KIAA0408: variants seen among roughly 807,000 people sequenced by gnomAD.
The protein encoded by KIAA0408 is uncharacterized protein KIAA0408.
KIAA0408 carries 51 observed loss-of-function variants against 60.9 expected under a neutral mutation model. The ratio of observed to expected loss-of-function variants is 0.84; its 90% CI spans 0.67 to 1.06. The LOEUF is 1.06. KIAA0408 is among the 50% of genes least tolerant of loss of function. The pLI, the probability that KIAA0408 is intolerant of heterozygous loss-of-function variation, is 0.00. For synonymous variants in KIAA0408, 304 were observed against 282.4 expected, an observed-to-expected ratio of 1.08 and a Z score of -0.77; for missense variants, 787 against 833.9, an observed-to-expected ratio of 0.94 and a Z score of 0.69.
chr6:127,450,346 G>A lies in KIAA0408; in HGVS notation c.142C>T (p.Arg48Trp), dbSNP rs770313152. ...IMQKKIEELC[R>W]EVKLWRKINI... ...ATTTTCCTCCAAAGCTTTACTTCCC[G>A]GCAAAGCTGTAAGAAAAACAAAACA... Residue 48 changes from arginine (R) to tryptophan (W), a missense_variant, in exon 3 of 6, where the codon CGG (arginine) becomes TGG (tryptophan). Coordinates refer to ENST00000483725, the MANE Select transcript of KIAA0408 (RefSeq NM_014702.5). 30 of 1,583,182 alleles carry A rather than the reference G, an allele frequency of 1.9e-5. No individual in the cohort carries two copies. The Middle Eastern group carries it at 6.9e-4, about 36-fold the overall frequency.
At chr6:127,451,522 T>A (rs966604274) in intron 2 of KIAA0408, among the ~76,000 whole-genome samples, 1 of 152,124 alleles carries the variant, frequency 6.6e-6, no homozygotes, top group East Asian at 1.9e-4. Flanking sequence ...ACATGTTAAA[T>A]CTAAGGATGC....
chr6:127,447,109 C>G lies in KIAA0408; in HGVS notation c.1210G>C (p.Asp404His). 1 of 1,613,890 alleles carries G rather than the reference C, an allele frequency of 6.2e-7. No homozygotes were observed. Among genetic ancestry groups the G allele is most frequent in the Non-Finnish European group, 8.5e-7 (1 of 1,179,974 alleles). Residue 404 changes from aspartate (D) to histidine (H), a missense_variant, in exon 5 of 6, where the codon GAT becomes CAT. Coordinates refer to ENST00000483725, the MANE Select transcript of KIAA0408 (RefSeq NM_014702.5). ...IPDHPAKSHP[D>H]LHVSNDCSSS... ...CTACAGTCATTACTTACATGAAGAT[C>G]AGGATGAGATTTAGCAGGGTGATCT...
At chr6:127,452,069 C>G (rs1306362915) in intron 2 of KIAA0408, among the ~76,000 whole-genome samples, 2 of 152,136 alleles carry the variant, frequency 1.3e-5, no homozygotes, top group Non-Finnish European at 2.9e-5. Flanking sequence ...ATAGCAAATG[C>G]AATGACTGTG....
At position 127,444,125 on chromosome 6, in the gene KIAA0408, T is replaced by C; in HGVS notation, c.2069A>G (p.Glu690Gly). The C allele has an allele frequency of 6.2e-7, 1 of 1,613,962 alleles. No individual in the cohort carries two copies. The highest frequency in any genetic ancestry group is 8.5e-7 in the Non-Finnish European group (1 of 1,179,936). The change falls in exon 6 of 6, where the codon GAA becomes GGA. Residue 690 changes from glutamate (E) to glycine (G), a missense_variant. This residue lies in a region of KIAA0408 where 133 missense variants were observed against 119.2 expected (regional missense o/e 1.12). Transcript: ENST00000483725. ...GCCAAAGACTTAAACCATCAATGCT[T>C]CGGATCGCAGAGAAATGGTATAGTT... ...THNYTISLRS[E>G]ALMV is the part of the protein sequence containing the mutation.
chr6:127,438,703 C>T lies in KIAA0408; in HGVS notation c.*5406G>A. ...AAAGGCAATTGTAACACAATGATATCTGTATATGTAAACATAGAAAAAGTA... is the reference window on the plus strand; with the variant it reads ...AAAGGCAATTGTAACACAATGATATTTGTATATGTAAACATAGAAAAAGTA... On this transcript the variant is annotated 3_prime_UTR_variant, in exon 6 of 6. Transcript: ENST00000483725. 1 of 152,098 alleles carries T rather than the reference C, an allele frequency of 6.6e-6. No homozygotes were observed. Among genetic ancestry groups the T allele is most frequent in the Non-Finnish European group, 1.5e-5 (1 of 68,014 alleles). The allele number at this position is 152,098 out of a possible 1,614,324, so 9.4% of individuals were successfully genotyped here.
intron 1 of KIAA0408, among the ~76,000 whole-genome samples, chr6:127,456,165 T>C (rs1161339624): frequency 3.3e-5 from 5 of 152,154 alleles, no homozygotes; most frequent in Non-Finnish European, 1.5e-5. Flanking sequence ...AAGAGATAAA[T>C]GCAGATTTAA....
chr6:127,448,451 A>T lies in KIAA0408; in HGVS notation c.579-711T>A, dbSNP rs538679047. ...TTATGTCAAATTGTAATGTCTTTGA[A>T]TTACAAATATCTTGAACCTTGTTCT... On this transcript the variant is annotated intron_variant, in intron 4 of 5. Transcript: ENST00000483725. 2.1e-3 allele frequency among the ~76,000 whole-genome samples: 322 copies of T among 152,308 alleles called. 2 individuals are homozygous for T. Among genetic ancestry groups the T allele is most frequent in the African/African-American group, 7.0e-3 (290 of 41,586 alleles).
chr6:127,442,777 A>C lies in KIAA0408; in HGVS notation c.*1332T>G, dbSNP rs942325286. The stretch of plus-strand genomic sequence containing the variant: ...TAAAAGAAAAGCTTAAATAGAGTTA[A>C]TATCTAATAACATAACATAATTGGT... On this transcript the variant is annotated 3_prime_UTR_variant, in exon 6 of 6. Transcript: ENST00000483725. 3 of 152,238 alleles carry C rather than the reference A, an allele frequency of 2.0e-5. No individual in the cohort carries two copies. Among genetic ancestry groups the C allele is most frequent in the Non-Finnish European group, 2.9e-5 (2 of 68,026 alleles). 9.4% of individuals were successfully genotyped at this position (152,238 alleles called of 1,614,324 possible).
At chr6:127,451,388 G>C (rs1474782711) in intron 2 of KIAA0408, 1 of 443,058 alleles carries the variant, frequency 2.3e-6, no homozygotes, top group Non-Finnish European at 4.5e-6. Context: ...ATGAAGTCAG[G>C]ATAGCATCAA....
rs139745911 is a variant in KIAA0408, at chr6:127,446,809, G to A, written c.1510C>T (p.Pro504Ser). The change falls in exon 5 of 6, where the codon CCC becomes TCC. Residue 504 changes from proline (P) to serine (S), a missense_variant. By Grantham distance (74) the Pro-to-Ser change is moderately conservative. Around this residue, in one of 3 missense-constraint regions of KIAA0408, gnomAD observed 640 missense variants for 681.3 expected, o/e 0.94. Transcript: ENST00000483725. Reference sequence around the variant, plus strand: ...GGATTATCAGGCACATTTTCCATGGGCACAGGCATGTGGGCATTGGTTTTC... The same window carrying A: ...GGATTATCAGGCACATTTTCCATGGACACAGGCATGTGGGCATTGGTTTTC... ...IWKTNAHMPV[P>S]MENVPDNPTK... 8.3e-3 allele frequency: 13,323 copies of A among 1,613,986 alleles called. 81 individuals are homozygous for A. The highest frequency in any genetic ancestry group is 0.01 in the Non-Finnish European group (12,171 of 1,179,980).
Position 127,451,331 on chromosome 6 carries a change from A to G in KIAA0408, c.136-979T>C, listed in dbSNP as rs189219759. ...TAGAGTTGATGCCTGAAAAATATAC[A>G]GTGTATTTATTTTTCTAATGCTTAC... On this transcript the variant is annotated intron_variant, in intron 2 of 5. Transcript: ENST00000483725. The G allele has an allele frequency of 1.5e-5, 7 of 455,768 alleles. No homozygotes were observed. In the East Asian group the frequency reaches 4.2e-4, roughly 27 times the overall value. 28.2% of individuals were successfully genotyped at this position (455,768 alleles called of 1,614,324 possible).
rs1391889036 is a variant in KIAA0408 at position 127,446,980 on chromosome 6, T to G, written c.1339A>C (p.Arg447=). 1.2e-6 allele frequency: 2 copies of G among 1,613,892 alleles called. No individual in the cohort carries two copies. Among genetic ancestry groups the G allele is most frequent in the Non-Finnish European group, 1.7e-6 (2 of 1,179,990 alleles). ...KLAAKTDEFN[R]TVFRTDRNCQ... Reference sequence around the variant, plus strand: ...TTTCTATCTGTTCTAAATACAGTTCTGTTAAATTCATCAGTCTTTGCTGCC... The same window carrying G: ...TTTCTATCTGTTCTAAATACAGTTCGGTTAAATTCATCAGTCTTTGCTGCC... Residue 447 remains arginine, a synonymous_variant, in exon 5 of 6, where the codon AGA becomes CGA. Coordinates refer to ENST00000483725, the MANE Select transcript of KIAA0408 (RefSeq NM_014702.5).
chr6:127,454,019 T>C lies in KIAA0408; in HGVS notation c.-38A>G. On this transcript the variant is annotated 5_prime_UTR_variant, in exon 2 of 6. Transcript: ENST00000483725. ...AGTGTCAGCAAAGAAGTGTTTCTGCTCTTCTCTGCCTCCTCTTAACTGTTT... is the reference window on the plus strand; with the variant it reads ...AGTGTCAGCAAAGAAGTGTTTCTGCCCTTCTCTGCCTCCTCTTAACTGTTT... 2.5e-6 allele frequency: 4 copies of C among 1,591,702 alleles called. No individual in the cohort carries two copies. The highest frequency in any genetic ancestry group is 3.4e-6 in the Non-Finnish European group (4 of 1,168,946).
intron 4 of KIAA0408, 43 bp from the exon 5 acceptor site, chr6:127,447,783 T>C: frequency 6.9e-7 from 1 of 1,459,386 alleles, no homozygotes; most frequent in Non-Finnish European, 9.0e-7. Context: ...TAACTTTATT[T>C]AGAATAAGCT....
In KIAA0408 at chr6:127,450,483, C is replaced by T. The variant is rs112559741; in HGVS notation, c.136-131G>A. 3.1e-5 allele frequency: 43 copies of T among 1,369,974 alleles called. 1 individual carries two copies. In the African/African-American group the frequency reaches 3.5e-4, roughly 11 times the overall value. The allele number at this position is 1,369,974 out of a possible 1,614,324, so 84.9% of individuals were successfully genotyped here. A position where few individuals can be genotyped will look rare whatever the true frequency, so the allele number is the denominator to read the frequency against. On this transcript the variant is annotated intron_variant, in intron 2 of 5. Transcript: ENST00000483725. ...ATATACTTCCTGGGTATTAATGCTTCGGCCTCCAAATAGTGCCTCTAAAAT... is the reference window on the plus strand; with the variant it reads ...ATATACTTCCTGGGTATTAATGCTTTGGCCTCCAAATAGTGCCTCTAAAAT...
rs1773124935 is a variant in KIAA0408 at position 127,442,691 on chromosome 6, T to C, written c.*1418A>G. ...GTACAATGAAGTGAATTTCTCTAAA[T>C]GGTTCAAATACATCATAAGGAGATG... is the stretch of plus-strand genomic sequence containing the variant. On this transcript the variant is annotated 3_prime_UTR_variant, in exon 6 of 6. Transcript: ENST00000483725. The C allele has an allele frequency of 6.6e-6, 1 of 152,216 alleles. No homozygotes were observed. Among genetic ancestry groups the C allele is most frequent in the South Asian group, 2.1e-4 (1 of 4,834 alleles). The allele number at this position is 152,216 out of a possible 1,614,324, so 9.4% of individuals were successfully genotyped here. A position where few individuals can be genotyped will look rare whatever the true frequency, so the allele number is the denominator to read the frequency against.
chr6:127,454,118 AAG>A lies in KIAA0408; in HGVS notation c.-120-19_-120-18del. ...AAATAAAGCCTAATATAAACATAAC[AAG>A]AGAGAGTTCCAAATCCATGTGCTTT... On this transcript the variant is annotated intron_variant, in intron 1 of 5. Coordinates refer to ENST00000483725, the MANE Select transcript of KIAA0408 (RefSeq NM_014702.5). 7.4e-7 allele frequency: 1 copy of A among 1,357,052 alleles called. No individual in the cohort carries two copies. The highest frequency in any genetic ancestry group is 3.1e-5 in the Admixed American group (1 of 32,288). The allele number at this position is 1,357,052 out of a possible 1,614,324, so 84.1% of individuals were successfully genotyped here.
Position 127,453,991 on chromosome 6 carries a change from G to GT in KIAA0408, c.-11dup, listed in dbSNP as rs756412025. The GT allele has an allele frequency of 4.4e-6, 7 of 1,606,420 alleles. No homozygotes were observed. The highest frequency in any genetic ancestry group is 6.0e-6 in the Non-Finnish European group (7 of 1,176,428). ...GCTTATGTAGGTCCATGGCAACAGT[G>GT]TAAGTGTCAGCAAAGAAGTGTTTCT... On this transcript the variant is annotated 5_prime_UTR_variant, in exon 2 of 6. Coordinates refer to ENST00000483725, the MANE Select transcript of KIAA0408 (RefSeq NM_014702.5).
rs772770879 is a variant in KIAA0408, at chr6:127,446,656, C to T, written c.1663G>A (p.Asp555Asn). The change falls in exon 5 of 6, where the codon GAT becomes AAT. Residue 555 changes from aspartate to asparagine, a missense_variant. Asp to Asn is a conservative substitution (Grantham distance 23). Transcript: ENST00000483725. ...ACAACACCATAATTTGACCTGGGAT[C>T]AGCTGACCTCGGACGGCCAGACAAA... Reference protein sequence around the residue: ...SNLSGRPRSADPRSNYGVVEK... With the variant: ...SNLSGRPRSANPRSNYGVVEK... The T allele has an allele frequency of 1.2e-6, 2 of 1,614,054 alleles. No individual in the cohort carries two copies. The highest frequency in any genetic ancestry group is 2.2e-5 in the South Asian group (2 of 91,080).
Sources: allele counts gnomAD v4.1 joint callset (sites outside exome capture counted in the v4.1 genomes callset), GRCh38; gene constraint gnomAD v4.1.1; regional missense constraint gnomAD v4.1.1; transcripts MANE v1.5; gene names NCBI Gene and HGNC (gene_info 2026-07-23, HGNC 2026-07-21).